Variants in BMP2K observed in about 807,000 individuals in gnomAD.
BMP2K encodes the protein BMP-2-inducible protein kinase.
A neutral mutation model predicts 116.0 loss-of-function variants in BMP2K; 74 were observed. The observed-to-expected ratio is 0.64, with a 90% CI of 0.53 to 0.77. BMP2K has a LOEUF of 0.77. BMP2K is among the 30% of genes least tolerant of loss of function. BMP2K has a pLI of 0.00. For missense variants in BMP2K, 1,365 were observed against 1,403.6 expected (o/e 0.97, Z 0.44); for synonymous variants, 486 against 502.5 (o/e 0.97, Z 0.44).
rs767722437 is a variant in BMP2K, at chr4:78,845,003, A to C, written c.622A>C (p.Asn208His). 1 of 1,591,384 alleles carries C rather than the reference A, an allele frequency of 6.3e-7. No homozygotes were observed. Among genetic ancestry groups the C allele is most frequent in the Non-Finnish European group, 8.6e-7 (1 of 1,161,034 alleles). Reference protein sequence around the residue: ...DFGSATNKFLNPQKDGVNVVE... With the variant: ...DFGSATNKFLHPQKDGVNVVE... ...TGGCAGTGCCACTAATAAATTTCTT[A>C]ATCCTCAAAAAGATGGAGTTAATGT... Residue 208 changes from asparagine (N) to histidine (H), a missense_variant, in exon 5 of 16, where the codon AAT becomes CAT. This residue lies in a region of BMP2K where 762 missense variants were observed against 756.7 expected (regional missense o/e 1.01). Coordinates refer to ENST00000502613, the MANE Select transcript of BMP2K (RefSeq NM_198892.2).
At position 78,910,882 on chromosome 4, in the gene BMP2K, C is replaced by T; in HGVS notation, c.2335C>T (p.Pro779Ser). The T allele has an allele frequency of 6.2e-7, 1 of 1,613,910 alleles. No individual in the cohort carries two copies. Among genetic ancestry groups the T allele is most frequent in the Non-Finnish European group, 8.5e-7 (1 of 1,179,856 alleles). The change falls in exon 16 of 16, where the codon CCA becomes TCA. Residue 779 changes from proline to serine, a missense_variant. Transcript: ENST00000502613. ...QGDFNDDDTE[P>S]ENLGHRPLLM... ...AGATTTTAATGATGATGATACTGAACCAGAAAATCTGGGTCATAGGCCTCT... is the reference window on the plus strand; with the variant it reads ...AGATTTTAATGATGATGATACTGAATCAGAAAATCTGGGTCATAGGCCTCT...
At chr4:78,843,276 G>A (rs1277376560) in intron 4 of BMP2K, among the ~76,000 whole-genome samples, 1 of 151,784 alleles carries the variant, frequency 6.6e-6, no homozygotes, top group Non-Finnish European at 1.5e-5. Flanking sequence ...CCTTCTCAGT[G>A]AGTCCCATCA....
At chr4:78,886,564 G>A (rs1733098671) in intron 14 of BMP2K, among the ~76,000 whole-genome samples, 1 of 152,104 alleles carries the variant, frequency 6.6e-6, no homozygotes, top group Non-Finnish European at 1.5e-5. Context: ...TGGCACATTG[G>A]CACATAGTAG....
At chr4:78,894,373 T>C (rs995225569) in intron 15 of BMP2K, among the ~76,000 whole-genome samples, 1 of 152,230 alleles carries the variant, frequency 6.6e-6, no homozygotes, top group African/African-American at 2.4e-5. Flanking sequence ...CCTTCATCAG[T>C]GATCTTAGTG....
At chr4:78,786,099 G>C (rs181150240) in intron 1 of BMP2K, among the ~76,000 whole-genome samples, 1 of 151,966 alleles carries the variant, frequency 6.6e-6, no homozygotes, top group Non-Finnish European at 1.5e-5. Flanking sequence ...TTCTGCTATC[G>C]TCTGAATGTT....
At chr4:78,828,315 T>C (rs1160599479) in intron 2 of BMP2K, among the ~76,000 whole-genome samples, 8 of 152,302 alleles carry the variant, frequency 5.3e-5, no homozygotes, top group African/African-American at 1.9e-4. Flanking sequence ...AATGAAGTGA[T>C]GCATAGGGTA....
At chr4:78,860,599 G>A (rs1205337751) in intron 8 of BMP2K, among the ~76,000 whole-genome samples, 1 of 151,730 alleles carries the variant, frequency 6.6e-6, no homozygotes, top group Non-Finnish European at 1.5e-5. Context: ...TTAGGTGAAT[G>A]GTGTATGGCA....
chr4:78,874,707 A>G (rs2110063425), intron 13 of BMP2K, among the ~76,000 whole-genome samples: 1 of 152,290 alleles, frequency 6.6e-6, no homozygotes, highest in South Asian at 2.1e-4. Flanking sequence ...ATGAATTGGA[A>G]ATCTGTCTAA....
intron 15 of BMP2K, among the ~76,000 whole-genome samples, chr4:78,906,800 A>G (rs1365667066): frequency 1.3e-5 from 2 of 152,138 alleles, no homozygotes; most frequent in Admixed American, 6.6e-5. Flanking sequence ...ATGATGGTAG[A>G]GTGCTTATTA....
chr4:78,823,568 T>TTA (rs1306481214), intron 1 of BMP2K, among the ~76,000 whole-genome samples: 1 of 145,854 alleles, frequency 6.9e-6, no homozygotes. Context: ...AGTTATATAG[T>TTA]TATATATAGT....
intron 1 of BMP2K, among the ~76,000 whole-genome samples, chr4:78,803,071 A>C (rs1285816631): frequency 6.6e-6 from 1 of 151,446 alleles, no homozygotes; most frequent in African/African-American, 2.4e-5. Context: ...GCTGGTCTCG[A>C]CCTCCTGACC....
Position 78,776,627 on chromosome 4 carries a change from CGG to C in BMP2K, c.87_88del (p.Ala30ArgfsTer55). 8.3e-7 allele frequency: 1 copy of C among 1,208,886 alleles called. No individual in the cohort carries two copies. Among genetic ancestry groups the C allele is most frequent in the Non-Finnish European group, 1.0e-6 (1 of 969,818 alleles). The allele number at this position is 1,208,886 out of a possible 1,614,324, so 74.9% of individuals were successfully genotyped here. On this transcript the variant is annotated frameshift_variant, in exon 1 of 16. Transcript: ENST00000502613. LOFTEE classifies it high-confidence loss of function. ...AGGGAGGAGAGAGCGSGGSSV... is the reference protein window; with the variant it reads ...AGGGAGGAGAXAGCGSGGSSV... The stretch of plus-strand genomic sequence containing the variant: ...GTGGCGGGGCTGGCGGGGCCGGGGC[CGG>C]GGCCGGCTGCGGCTCCGGCGGCTCG...
intron 13 of BMP2K, among the ~76,000 whole-genome samples, chr4:78,876,168 A>G (rs1004917105): frequency 3.9e-5 from 6 of 152,174 alleles, no homozygotes; most frequent in Non-Finnish European, 4.4e-5. Context: ...GGTGATTCAT[A>G]TAGGGAATCC....
intron 12 of BMP2K, 73 bp from the exon 13 acceptor site, chr4:78,872,541 A>G: frequency 7.3e-7 from 1 of 1,364,538 alleles, no homozygotes; most frequent in Middle Eastern, 2.2e-4. Flanking sequence ...GAAGGAACAT[A>G]GTAAATAGAT....
chr4:78,848,252 A>G (rs749882543), intron 6 of BMP2K, among the ~76,000 whole-genome samples: 1 of 151,572 alleles, frequency 6.6e-6, no homozygotes, highest in Non-Finnish European at 1.5e-5. Context: ...TTAAAATCAC[A>G]TGTATAATTT....
At chr4:78,815,609 AAAATT>A (rs1366152796) in intron 1 of BMP2K, among the ~76,000 whole-genome samples, 2 of 151,754 alleles carry the variant, frequency 1.3e-5, no homozygotes, top group Non-Finnish European at 2.9e-5. Flanking sequence ...TGTTGTGAAA[AAAATT>A]AAAATATACA....
chr4:78,827,024 T>C (rs997803120), intron 2 of BMP2K, among the ~76,000 whole-genome samples: 7 of 152,216 alleles, frequency 4.6e-5, no homozygotes, highest in Admixed American at 1.3e-4. Flanking sequence ...CACAGTTTTT[T>C]TGGCTTCCCA....
intron 1 of BMP2K, among the ~76,000 whole-genome samples, chr4:78,809,891 T>C (rs781647812): frequency 2.0e-5 from 3 of 152,238 alleles, no homozygotes; most frequent in Non-Finnish European, 2.9e-5. Context: ...GCTTTCTCTC[T>C]ATATGGACTA....
chr4:78,783,839 A>G (rs747928310), intron 1 of BMP2K, among the ~76,000 whole-genome samples: 2 of 152,010 alleles, frequency 1.3e-5, no homozygotes, highest in Non-Finnish European at 2.9e-5. Flanking sequence ...ATAATAAATA[A>G]AAATAAAAGT....
Sources: allele counts gnomAD v4.1 joint callset (sites outside exome capture counted in the v4.1 genomes callset), GRCh38; gene constraint gnomAD v4.1.1; regional missense constraint gnomAD v4.1.1; transcripts MANE v1.5; gene names NCBI Gene and HGNC (gene_info 2026-07-23, HGNC 2026-07-21).